ARHGAP5: variants seen among roughly 807,000 people sequenced by gnomAD.
The protein encoded by ARHGAP5 is Rho GTPase activating protein 5.
In ARHGAP5, 23 loss-of-function variants were observed where a neutral mutation model predicts 116.6. The observed-to-expected ratio is 0.20, with a 90% CI of 0.14 to 0.28. The LOEUF (loss-of-function observed/expected upper bound fraction) is 0.28. Among genes scored for constraint, ARHGAP5 ranks in the 10% least tolerant of loss-of-function variants. The pLI, the probability that ARHGAP5 is intolerant of heterozygous loss-of-function variation, is 1.00. For missense variants in ARHGAP5, 1,405 were observed against 1,774.8 expected (o/e 0.79, Z 3.74); for synonymous variants, 574 against 602.0 (o/e 0.95, Z 0.68).
At chr14:32,110,335 T>G (rs1167321117) in intron 2 of ARHGAP5, among the ~76,000 whole-genome samples, 1 of 151,956 alleles carries the variant, frequency 6.6e-6, no homozygotes, top group Non-Finnish European at 1.5e-5. Flanking sequence ...TTGCTTTTTT[T>G]TTTTTAAGAG....
intron 3 of ARHGAP5, among the ~76,000 whole-genome samples, chr14:32,131,741 A>G (rs865982027): frequency 2.6e-5 from 4 of 151,318 alleles, no homozygotes; most frequent in East Asian, 3.9e-4. Flanking sequence ...CCACTCCCCC[A>G]ACCCCACAAC....
At chr14:32,147,928 G>C (rs1478751930) in intron 4 of ARHGAP5, among the ~76,000 whole-genome samples, 1 of 152,132 alleles carries the variant, frequency 6.6e-6, no homozygotes, top group South Asian at 2.1e-4. Flanking sequence ...CAAGGTGGGC[G>C]AATTGCCTGA....
chr14:32,116,659 G>A (rs937675691), intron 2 of ARHGAP5, among the ~76,000 whole-genome samples: 17 of 151,976 alleles, frequency 1.1e-4, no homozygotes, highest in Non-Finnish European at 2.2e-4. Flanking sequence ...GGAAAAATAA[G>A]GGACAAATGA....
rs766156861 is a variant in ARHGAP5, at chr14:32,093,899, T to C, written c.3230T>C (p.Val1077Ala). The C allele has an allele frequency of 1.2e-6, 2 of 1,613,894 alleles. No individual in the cohort carries two copies. The highest frequency in any genetic ancestry group is 1.7e-5 in the Admixed American group (1 of 60,006). ...AATCCAAGAAAGCAGACTTCCCGGG[T>C]GCCTTTGGCACATCCTGAAGATATG... ...GKNPRKQTSR[V>A]PLAHPEDMDP... The change falls in exon 2 of 7, where the codon GTG (valine) becomes GCG (alanine). Residue 1077 changes from valine (V) to alanine (A), a missense_variant. This residue lies in a region of ARHGAP5 where 944 missense variants were observed against 1,095.3 expected (regional missense o/e 0.86). Transcript: ENST00000345122.
intron 1 of ARHGAP5, among the ~76,000 whole-genome samples, chr14:32,077,927 G>C (rs973197895): frequency 2.8e-4 from 42 of 152,144 alleles, no homozygotes; most frequent in Non-Finnish European, 2.9e-4. Context: ...CGCCTTGTAG[G>C]GGGGATCGGC....
intron 2 of ARHGAP5, among the ~76,000 whole-genome samples, chr14:32,101,001 G>A (rs938753146): frequency 2.0e-5 from 3 of 152,126 alleles, no homozygotes; most frequent in Non-Finnish European, 4.4e-5. Flanking sequence ...AAGATAAATA[G>A]TAAAATACTT....
chr14:32,095,418 T>TTG (rs1439816683), intron 2 of ARHGAP5, among the ~76,000 whole-genome samples: 2 of 147,294 alleles, frequency 1.4e-5, no homozygotes, highest in African/African-American at 5.1e-5. Flanking sequence ...TTTTTTTTGT[T>TTG]TTTTTTTTTT....
rs1163201730 is a variant in ARHGAP5, at chr14:32,157,393, G to A, written c.*2445G>A. 3.9e-5 allele frequency: 6 copies of A among 152,184 alleles called. No individual in the cohort carries two copies. The highest frequency in any genetic ancestry group is 1.4e-4 in the African/African-American group (6 of 41,396). The allele number at this position is 152,184 out of a possible 1,614,324, so 9.4% of individuals were successfully genotyped here. A position where few individuals can be genotyped will look rare whatever the true frequency, so the allele number is the denominator to read the frequency against. On this transcript the variant is annotated 3_prime_UTR_variant, in exon 7 of 7. Coordinates refer to ENST00000345122, the MANE Select transcript of ARHGAP5 (RefSeq NM_001030055.2). ...GACTTCTTAAAGGATTAAAAGAATA[G>A]GATAGTCTCATAATTGTGAGTAAAC...
rs1441641936 is a variant in ARHGAP5 at position 32,156,045 on chromosome 14, T to A, written c.*1097T>A. 1 of 152,506 alleles carries A rather than the reference T, an allele frequency of 6.6e-6. No individual in the cohort carries two copies. Among genetic ancestry groups the A allele is most frequent in the East Asian group, 1.9e-4 (1 of 5,198 alleles). The allele number at this position is 152,506 out of a possible 1,614,324, so 9.4% of individuals were successfully genotyped here. The stretch of plus-strand genomic sequence containing the variant: ...TCTTTGGAGTGTTTATATTACAAAT[T>A]TGTATTCATATTCTTTTCTGTGATG... On this transcript the variant is annotated 3_prime_UTR_variant, in exon 7 of 7. Transcript: ENST00000345122.
intron 3 of ARHGAP5, among the ~76,000 whole-genome samples, chr14:32,121,117 A>T (rs559244889): frequency 1.4e-5 from 2 of 145,446 alleles, no homozygotes; most frequent in South Asian, 4.4e-4. Flanking sequence ...TCCCCGGCTC[A>T]GGCAATCCTC....
chr14:32,154,935 T>C lies in ARHGAP5; in HGVS notation c.4496T>C (p.Leu1499Pro). The change falls in exon 7 of 7, where the codon CTT becomes CCT. Residue 1499 changes from leucine (L) to proline (P), a missense_variant. By Grantham distance (98) the Leu-to-Pro change is moderately conservative (BLOSUM62 -3). Coordinates refer to ENST00000345122, the MANE Select transcript of ARHGAP5 (RefSeq NM_001030055.2). ...CAACCACAATTACAAACGGATCCTC[T>C]TGGTATTATATGAGTAGGAAGTGAT... Reference protein sequence around the residue: ...LIQPQLQTDPLGII With the variant: ...LIQPQLQTDPPGII The C allele has an allele frequency of 6.2e-7, 1 of 1,613,354 alleles. No homozygotes were observed. The highest frequency in any genetic ancestry group is 8.5e-7 in the Non-Finnish European group (1 of 1,179,518).
At chr14:32,128,624 G>A (rs372906488) in intron 3 of ARHGAP5, among the ~76,000 whole-genome samples, 1 of 152,206 alleles carries the variant, frequency 6.6e-6, no homozygotes. Context: ...GCCGCGCCTG[G>A]CCGCCCGGCA....
chr14:32,125,427 A>G (rs1278148950), intron 3 of ARHGAP5, among the ~76,000 whole-genome samples: 3 of 152,198 alleles, frequency 2.0e-5, no homozygotes, highest in African/African-American at 7.2e-5. Context: ...TATTGTGAAC[A>G]GTCTGCTGTG....
intron 1 of ARHGAP5, among the ~76,000 whole-genome samples, chr14:32,079,567 G>A (rs899900076): frequency 6.6e-6 from 1 of 152,216 alleles, no homozygotes; most frequent in Admixed American, 6.5e-5. Flanking sequence ...GATTATTTAA[G>A]GAATGAATAT....
intron 3 of ARHGAP5, among the ~76,000 whole-genome samples, chr14:32,135,744 A>G (rs988540487): frequency 6.6e-6 from 1 of 152,198 alleles, no homozygotes; most frequent in Non-Finnish European, 1.5e-5. Context: ...CTAAGTTTTA[A>G]CCACATGCTA....
rs771966068 is a variant in ARHGAP5 at position 32,092,089 on chromosome 14, G to C, written c.1420G>C (p.Val474Leu). The C allele has an allele frequency of 1.9e-6, 3 of 1,613,870 alleles. No homozygotes were observed. The highest frequency in any genetic ancestry group is 2.2e-5 in the East Asian group (1 of 44,870). The change falls in exon 2 of 7, where the codon GTA becomes CTA. Residue 474 changes from valine to leucine, a missense_variant. Val to Leu is a conservative substitution (Grantham distance 32). Coordinates refer to ENST00000345122, the MANE Select transcript of ARHGAP5 (RefSeq NM_001030055.2). The surrounding 1 kb of genome is among the most constrained non-coding windows in gnomAD (Gnocchi z 4.1). Reference protein sequence around the residue: ...KYITEADSKEVYGRHQREIVE... With the variant: ...KYITEADSKELYGRHQREIVE... Reference sequence around the variant, plus strand: ...TATCACTGAGGCTGATAGCAAAGAGGTATATGGTAGGCATCAGCGAGAAAT... The same window carrying C: ...TATCACTGAGGCTGATAGCAAAGAGCTATATGGTAGGCATCAGCGAGAAAT...
chr14:32,140,544 C>G (rs1881072734), intron 3 of ARHGAP5, among the ~76,000 whole-genome samples: 3 of 152,050 alleles, frequency 2.0e-5, no homozygotes, highest in African/African-American at 4.8e-5. Flanking sequence ...GAGCAGAGAT[C>G]ATACCACTGC....
At chr14:32,133,226 T>C (rs1247716902) in intron 3 of ARHGAP5, among the ~76,000 whole-genome samples, 1 of 152,192 alleles carries the variant, frequency 6.6e-6, no homozygotes, top group Admixed American at 6.5e-5. Context: ...GAGCATGGAA[T>C]GTTCTTCCAT....
At chr14:32,128,168 G>A (rs1013734645) in intron 3 of ARHGAP5, among the ~76,000 whole-genome samples, 24 of 151,392 alleles carry the variant, frequency 1.6e-4, no homozygotes, top group Non-Finnish European at 2.5e-4. Context: ...ACGGGATGAC[G>A]GCCGGGAAGA....
Sources: gnomAD v4.1 joint callset for allele counts (sites outside exome capture counted in the v4.1 genomes callset) on GRCh38, gnomAD v4.1.1 for gene constraint, gnomAD v4.1.1 regional missense constraint, Gnocchi (gnomAD v3.1) non-coding constraint, MANE v1.5 for transcripts, NCBI Gene and HGNC (gene_info 2026-07-23, HGNC 2026-07-21) for gene names.